Variants in BABAM2 observed in about 807,000 individuals in gnomAD.
BABAM2 encodes BRISC and BRCA1-A complex member 2.
BABAM2 carries 31 observed loss-of-function variants against 54.7 expected under a neutral mutation model. The ratio of observed to expected loss-of-function variants is 0.57; its 90% confidence interval spans 0.43 to 0.77. BABAM2 has a LOEUF of 0.77. Among genes scored for constraint, BABAM2 ranks in the 30% least tolerant of loss-of-function variants. BABAM2 has a pLI of 0.00. For synonymous variants in BABAM2, 167 were observed against 162.9 expected (o/e 1.03, Z -0.19); for missense variants, 364 against 455.8 (o/e 0.80, Z 1.83).
At chr2:28,095,877 G>A (rs1666576925) in intron 6 of BABAM2, among the ~76,000 whole-genome samples, 3 of 152,194 alleles carry the variant, frequency 2.0e-5, no homozygotes, top group Non-Finnish European at 4.4e-5. Context: ...GATCAGGCTT[G>A]TGAGCAATCT....
At chr2:28,025,451 G>T in intron 5 of BABAM2, 31 bp downstream of exon 5, 2 of 1,523,312 alleles carry the variant, frequency 1.3e-6, no homozygotes, top group African/African-American at 1.4e-5. Context: ...AAAAAAAGAT[G>T]ACTTCATCCA....
intron 3 of BABAM2, among the ~76,000 whole-genome samples, chr2:27,938,651 A>G (rs1220898371): frequency 6.6e-6 from 1 of 151,956 alleles, no homozygotes; most frequent in East Asian, 1.9e-4. Flanking sequence ...CAGCCTCCCA[A>G]AGTGCTGAGA....
intron 10 of BABAM2, among the ~76,000 whole-genome samples, chr2:28,274,285 G>A (rs1036308796): frequency 9.2e-5 from 14 of 152,084 alleles, no homozygotes; most frequent in Non-Finnish European, 1.5e-4. Context: ...CTGTCTAACC[G>A]AGCACTCCCA....
chr2:28,052,131 G>A (rs534626265), intron 6 of BABAM2, among the ~76,000 whole-genome samples: 7 of 152,264 alleles, frequency 4.6e-5, no homozygotes, highest in Non-Finnish European at 1.0e-4. Flanking sequence ...GGATATGAAT[G>A]ATTAGAAAAT....
At chr2:28,140,144 A>G (rs995703093) in intron 7 of BABAM2, among the ~76,000 whole-genome samples, 6 of 151,810 alleles carry the variant, frequency 4.0e-5, no homozygotes, top group Non-Finnish European at 8.8e-5. Flanking sequence ...AAGTTCTAGC[A>G]TTTATTTCTT....
At chr2:28,225,272 A>G (rs1379737727) in intron 7 of BABAM2, among the ~76,000 whole-genome samples, 1 of 152,200 alleles carries the variant, frequency 6.6e-6, no homozygotes, top group Non-Finnish European at 1.5e-5. Flanking sequence ...TCCCAAAGAC[A>G]GTCGGGCTAA....
intron 7 of BABAM2, among the ~76,000 whole-genome samples, chr2:28,226,606 C>T (rs1299048296): frequency 6.6e-6 from 1 of 152,012 alleles, no homozygotes; most frequent in Non-Finnish European, 1.5e-5. Context: ...ACACAGAAGA[C>T]CAAGTACCAG....
chr2:27,931,588 ACC>A (rs1668098984), intron 3 of BABAM2, among the ~76,000 whole-genome samples: 3 of 151,704 alleles, frequency 2.0e-5, no homozygotes, highest in Non-Finnish European at 2.9e-5. Flanking sequence ...TGTGTTGGTT[ACC>A]CTGTAGCTTA....
At chr2:28,333,303 G>T (rs975548074) in intron 11 of BABAM2, among the ~76,000 whole-genome samples, 3 of 152,120 alleles carry the variant, frequency 2.0e-5, no homozygotes, top group Admixed American at 1.3e-4. Flanking sequence ...AGCCCAGTCC[G>T]CCTGGCTCCA....
At chr2:28,249,864 C>G (rs1226579507) in intron 10 of BABAM2, among the ~76,000 whole-genome samples, 1 of 152,092 alleles carries the variant, frequency 6.6e-6, no homozygotes, top group Non-Finnish European at 1.5e-5. Context: ...ACACCTCGGG[C>G]TCAAGGGATC....
chr2:28,212,855 G>C lies in BABAM2; in HGVS notation c.681-24347G>C, dbSNP rs906758826. On this transcript the variant is annotated intron_variant, in intron 7 of 11. Coordinates refer to ENST00000379624, the MANE Select transcript of BABAM2 (RefSeq NM_199191.3). ...GTTCCTGAAATCATAAAATCTTACT[G>C]AGGGTAATTCTTAGATCTTTTAATT... is the stretch of plus-strand genomic sequence containing the variant. Among the ~76,000 whole-genome samples the C allele has an allele frequency of 6.2e-4, 4 of 6,412 alleles. No homozygotes were observed. In the Non-Finnish European group the frequency reaches 0.014, roughly 22 times the overall value. 4.2% of individuals were successfully genotyped at this position (6,412 alleles called of 152,430 possible). A position where few individuals can be genotyped will look rare whatever the true frequency, so the allele number is the denominator to read the frequency against.
At chr2:28,101,924 G>A (rs1336616885) in intron 6 of BABAM2, among the ~76,000 whole-genome samples, 13 of 152,196 alleles carry the variant, frequency 8.5e-5, no homozygotes, top group Non-Finnish European at 1.3e-4. Context: ...GTTCAGGAAT[G>A]TGTGTTTTTT....
chr2:27,925,452 T>C (rs1387402108), intron 2 of BABAM2, among the ~76,000 whole-genome samples: 1 of 151,926 alleles, frequency 6.6e-6, no homozygotes, highest in East Asian at 1.9e-4. Flanking sequence ...AAAGTGGTTA[T>C]TATTATTATT....
At position 28,174,025 on chromosome 2, in the gene BABAM2, CA is replaced by C. The variant is rs1043902006; in HGVS notation, c.680+44654del. On this transcript the variant is annotated intron_variant, in intron 7 of 11. Transcript: ENST00000379624. ...ATACAGGTATTCAGGTGAAAAACAA[CA>C]AAAAAAAAGTTATTGAGGGATGAGA... Among the ~76,000 whole-genome samples the C allele has an allele frequency of 4.0e-5, 6 of 151,142 alleles. No individual in the cohort carries two copies. The South Asian group carries it at 6.3e-4, about 16-fold the overall frequency.
rs531239435 is a variant in BABAM2 at position 28,243,869 on chromosome 2, G to A, written c.852-911G>A. On this transcript the variant is annotated intron_variant, in intron 9 of 11. Transcript: ENST00000379624. The stretch of plus-strand genomic sequence containing the variant: ...CTGTTCCTTCCAACTTAAACTGGGC[G>A]GGCATCAATATCAGTGGTCTGATTG... Among the ~76,000 whole-genome samples, 7 of 152,204 alleles carry A rather than the reference G, an allele frequency of 4.6e-5. No homozygotes were observed. In the South Asian group the frequency reaches 8.3e-4, roughly 18 times the overall value.
At chr2:28,288,282 G>A (rs1167578671) in intron 10 of BABAM2, among the ~76,000 whole-genome samples, 1 of 151,472 alleles carries the variant, frequency 6.6e-6, no homozygotes, top group Non-Finnish European at 1.5e-5. Flanking sequence ...GGGCAGGAGA[G>A]TAGTGGGAAA....
chr2:28,245,775 C>T (rs144517462), intron 10 of BABAM2, among the ~76,000 whole-genome samples: 1 of 152,296 alleles, frequency 6.6e-6, no homozygotes, highest in East Asian at 1.9e-4. Flanking sequence ...CCTTAATAAA[C>T]TACTGCAGGA....
At chr2:27,911,783 A>G (rs1372233807) in intron 2 of BABAM2, among the ~76,000 whole-genome samples, 3 of 152,172 alleles carry the variant, frequency 2.0e-5, no homozygotes, top group African/African-American at 7.2e-5. Flanking sequence ...TAACTGTTCT[A>G]GATCTGATCT....
At chr2:28,160,530 A>G (rs1262239307) in intron 7 of BABAM2, among the ~76,000 whole-genome samples, 1 of 152,130 alleles carries the variant, frequency 6.6e-6, no homozygotes, top group Non-Finnish European at 1.5e-5. Flanking sequence ...ACATTCACAT[A>G]CTTGTGCAAT....
Sources: allele counts gnomAD v4.1 joint callset (sites outside exome capture counted in the v4.1 genomes callset), GRCh38; gene constraint gnomAD v4.1.1; transcripts MANE v1.5; gene names NCBI Gene and HGNC (gene_info 2026-07-23, HGNC 2026-07-21).